ERGIC1: variants seen among roughly 807,000 people sequenced by gnomAD.
ERGIC1 encodes the protein endoplasmic reticulum-Golgi intermediate compartment protein 1.
A neutral mutation model predicts 38.3 loss-of-function variants in ERGIC1; 19 were observed. The ratio of observed to expected loss-of-function variants is 0.50; its 90% CI spans 0.35 to 0.73. The LOEUF (loss-of-function observed/expected upper bound fraction) is 0.73, where lower values mean the gene tolerates loss of function less well. Ranked by LOEUF, ERGIC1 falls within the 30% of genes least tolerant of loss-of-function variation. The pLI, the probability that ERGIC1 is intolerant of heterozygous loss-of-function variation, is 0.01. For missense variants in ERGIC1, 294 were observed against 389.2 expected, an observed-to-expected ratio of 0.76 and a Z score of 2.06; for synonymous variants, 124 against 157.6, an observed-to-expected ratio of 0.79 and a Z score of 1.60.
chr5:172,887,881 G>C (rs1182344568), intron 1 of ERGIC1, among the ~76,000 whole-genome samples: 4 of 152,192 alleles, frequency 2.6e-5, no homozygotes, highest in African/African-American at 7.2e-5. Context: ...GCAGGAGCTG[G>C]GGGGTGCAGC....
intron 1 of ERGIC1, among the ~76,000 whole-genome samples, chr5:172,880,833 C>T (rs780550776): frequency 1.3e-5 from 2 of 152,228 alleles, no homozygotes; most frequent in African/African-American, 2.4e-5. Context: ...GGGGATAAAC[C>T]GCGTGCCCAG....
intron 9 of ERGIC1, among the ~76,000 whole-genome samples, chr5:172,946,286 C>A (rs1764119820): frequency 6.6e-6 from 1 of 152,208 alleles, no homozygotes; most frequent in Non-Finnish European, 1.5e-5. Flanking sequence ...AATTTGCTTT[C>A]TTTTCAGTTT....
rs1199520350 is a variant in ERGIC1, at chr5:172,926,504, C to T, written c.481-5C>T. The T allele has an allele frequency of 6.2e-7, 1 of 1,613,670 alleles. No homozygotes were observed. Among genetic ancestry groups the T allele is most frequent in the African/African-American group, 1.3e-5 (1 of 74,870 alleles). On this transcript the variant is annotated splice_region_variant and splice_polypyrimidine_tract_variant and intron_variant, in intron 6 of 9. Transcript: ENST00000393784. This position sits in a 1 kb window ranked among gnomAD's most constrained non-coding sequence, Gnocchi z 5.2. ...GGACCATCCCCTCACTGCATTTTTC[C>T]ACAGGTCCAGAACATCCACGGAGCT...
intron 1 of ERGIC1, among the ~76,000 whole-genome samples, chr5:172,885,389 C>T (rs1211060842): frequency 6.6e-6 from 1 of 152,098 alleles, no homozygotes; most frequent in Non-Finnish European, 1.5e-5. Flanking sequence ...CCACCTCAGC[C>T]TCCCAAAGTG....
At chr5:172,899,751 C>G (rs1762823657) in intron 3 of ERGIC1, among the ~76,000 whole-genome samples, 1 of 152,184 alleles carries the variant, frequency 6.6e-6, no homozygotes. Flanking sequence ...CAAAACTAGA[C>G]TGTATCGATC....
chr5:172,883,590 C>T (rs1264823136), intron 1 of ERGIC1, among the ~76,000 whole-genome samples: 1 of 152,182 alleles, frequency 6.6e-6, no homozygotes, highest in Non-Finnish European at 1.5e-5. Flanking sequence ...CAGGATCCCC[C>T]AGAAGTGGTG....
At chr5:172,944,858 C>CT (rs756017537) in intron 9 of ERGIC1, among the ~76,000 whole-genome samples, 5 of 152,202 alleles carry the variant, frequency 3.3e-5, no homozygotes, top group Non-Finnish European at 7.4e-5. Context: ...CATCCAGGGT[C>CT]TCCCCCTCCA....
Position 172,926,573 on chromosome 5 carries a change from T to G in ERGIC1, c.541+4T>G. The G allele has an allele frequency of 6.2e-7, 1 of 1,611,990 alleles. No homozygotes were observed. Among genetic ancestry groups the G allele is most frequent in the Non-Finnish European group, 8.5e-7 (1 of 1,179,984 alleles). Reference sequence around the variant, plus strand: ...GCAGACAGACTCACCTCCAACCGTATGTATCCCTGCTGGGAACAGCCTTCT... The same window carrying G: ...GCAGACAGACTCACCTCCAACCGTAGGTATCCCTGCTGGGAACAGCCTTCT... On this transcript the variant is annotated splice_donor_region_variant and intron_variant, in intron 7 of 9. Coordinates refer to ENST00000393784, the MANE Select transcript of ERGIC1 (RefSeq NM_001031711.3). The surrounding 1 kb of genome is among the most constrained non-coding windows in gnomAD (Gnocchi z 5.2).
chr5:172,936,156 C>A (rs562996327), intron 9 of ERGIC1: 1 of 152,250 alleles, frequency 6.6e-6, no homozygotes, highest in Non-Finnish European at 1.5e-5. Flanking sequence ...AGTCAGGACT[C>A]TGTTACCGAA....
intron 4 of ERGIC1, among the ~76,000 whole-genome samples, chr5:172,910,013 G>A (rs1399051239): frequency 2.0e-5 from 3 of 152,198 alleles, no homozygotes; most frequent in Non-Finnish European, 2.9e-5. Flanking sequence ...GTCTCTTAGG[G>A]TCATGTTACA....
At chr5:172,864,976 G>A (rs1761816511) in intron 1 of ERGIC1, among the ~76,000 whole-genome samples, 1 of 151,140 alleles carries the variant, frequency 6.6e-6, no homozygotes, top group Non-Finnish European at 1.5e-5. Flanking sequence ...CTGCTGCAAA[G>A]CCTTGCTCAA....
intron 1 of ERGIC1, among the ~76,000 whole-genome samples, chr5:172,839,436 C>T (rs1391179247): frequency 6.6e-6 from 1 of 150,638 alleles, no homozygotes; most frequent in Non-Finnish European, 1.5e-5. Context: ...TGGTGATGTG[C>T]GTCTGTGGTC....
chr5:172,888,247 C>G (rs1380752011), intron 1 of ERGIC1, among the ~76,000 whole-genome samples: 1 of 151,964 alleles, frequency 6.6e-6, no homozygotes, highest in African/African-American at 2.4e-5. Context: ...ATCGGTTGAG[C>G]TTAGGAGTTC....
chr5:172,837,521 CA>C lies in ERGIC1; in HGVS notation c.20+3089del, dbSNP rs1318481000. The stretch of plus-strand genomic sequence containing the variant: ...GGCTTCTTCAAGGTTGCATCTCCAG[CA>C]CCTAGAACTGTGCTTGAGCCAAACT... On this transcript the variant is annotated intron_variant, in intron 1 of 9. Transcript: ENST00000393784. The surrounding 1 kb of genome is among the most constrained non-coding windows in gnomAD (Gnocchi z 4.3). Among the ~76,000 whole-genome samples the C allele has an allele frequency of 3.3e-5, 5 of 152,322 alleles. No homozygotes were observed. The highest frequency in any genetic ancestry group is 1.2e-4 in the African/African-American group (5 of 41,572).
At position 172,926,440 on chromosome 5, in the gene ERGIC1, C is replaced by G. The variant is rs1763652915; in HGVS notation, c.481-69C>G. ...AGACCAGGTGGTACCTGGCCATCCCCCACAACCAGGGCCAGGCCTGGAGGT... is the reference window on the plus strand; with the variant it reads ...AGACCAGGTGGTACCTGGCCATCCCGCACAACCAGGGCCAGGCCTGGAGGT... On this transcript the variant is annotated intron_variant, in intron 6 of 9. Transcript: ENST00000393784. The surrounding 1 kb of genome is among the most constrained non-coding windows in gnomAD (Gnocchi z 5.2). The G allele has an allele frequency of 6.3e-7, 1 of 1,590,470 alleles. No homozygotes were observed. Among genetic ancestry groups the G allele is most frequent in the Non-Finnish European group, 8.6e-7 (1 of 1,159,644 alleles).
In ERGIC1 at chr5:172,909,701, G is replaced by T. The variant is rs763595862; in HGVS notation, c.190G>T (p.Asp64Tyr). 6.2e-7 allele frequency: 1 copy of T among 1,614,098 alleles called. No homozygotes were observed. The highest frequency in any genetic ancestry group is 1.3e-5 in the African/African-American group (1 of 74,946). The change falls in exon 4 of 10, where the codon GAC becomes TAC. Residue 64 changes from aspartate (D) to tyrosine (Y), a missense_variant. Asp to Tyr is a radical substitution (Grantham distance 160). This residue lies in a region of ERGIC1 where 163 missense variants were observed against 225.8 expected (regional missense o/e 0.72). Transcript: ENST00000393784. ...NELYVDDPDK[D>Y]SGGKIDVSLN... ...GCTCTATGTCGATGACCCAGACAAG[G>T]ACAGCGGTGGCAAGATCGACGTCAG... is the stretch of plus-strand genomic sequence containing the variant.
intron 1 of ERGIC1, among the ~76,000 whole-genome samples, chr5:172,860,736 T>C (rs778253338): frequency 7.9e-5 from 12 of 152,212 alleles, no homozygotes; most frequent in Non-Finnish European, 5.9e-5. Flanking sequence ...TGAGTCCTTT[T>C]GGAGCTGCAG....
At position 172,950,916 on chromosome 5, in the gene ERGIC1, T is replaced by C; in HGVS notation, c.*100T>C. 1 of 1,058,402 alleles carries C rather than the reference T, an allele frequency of 9.4e-7. No homozygotes were observed. The highest frequency in any genetic ancestry group is 1.7e-5 in the South Asian group (1 of 59,748). The allele number at this position is 1,058,402 out of a possible 1,614,324, so 65.6% of individuals were successfully genotyped here. ...CTCAATCTGGTCCCAAATCTGGCTG[T>C]GTCCCAAAGGGTGTGTGGGAAGTGG... On this transcript the variant is annotated 3_prime_UTR_variant, in exon 10 of 10. Coordinates refer to ENST00000393784, the MANE Select transcript of ERGIC1 (RefSeq NM_001031711.3).
chr5:172,880,466 C>T (rs1316418852), intron 1 of ERGIC1, among the ~76,000 whole-genome samples: 2 of 151,976 alleles, frequency 1.3e-5, no homozygotes, highest in African/African-American at 4.8e-5. Context: ...GCTGGGACTA[C>T]AGGCGACCAC....
Sources: allele counts gnomAD v4.1 joint callset (sites outside exome capture counted in the v4.1 genomes callset), GRCh38; gene constraint gnomAD v4.1.1; regional missense constraint gnomAD v4.1.1; non-coding constraint Gnocchi (gnomAD v3.1); transcripts MANE v1.5; gene names NCBI Gene and HGNC (gene_info 2026-07-23, HGNC 2026-07-21).